TPR: variants seen among roughly 807,000 people sequenced by gnomAD.
TPR encodes the protein nucleoprotein TPR.
In TPR, 51 loss-of-function variants were observed where a neutral mutation model predicts 316.1. The observed-to-expected ratio is 0.16, with a 90% CI of 0.13 to 0.20. The LOEUF is 0.20. TPR is among the 10% of genes least tolerant of loss of function. The probability of loss-of-function intolerance (pLI) is 1.00; values close to 1 mark genes in which losing one functional copy is unlikely to be tolerated. For synonymous variants in TPR, 981 were observed against 914.7 expected, an observed-to-expected ratio of 1.07 and a Z score of -1.31; for missense variants, 2,272 against 2,754.8, an observed-to-expected ratio of 0.82 and a Z score of 3.92.
chr1:186,336,707 A>G lies in TPR; in HGVS notation c.4507-13T>C. ...TTTCAGATAATGTCTTTAAAGGAAA[A>G]CAAAGTATTCACCATGGAATTCAAT... On this transcript the variant is annotated splice_polypyrimidine_tract_variant and intron_variant, in intron 32 of 50. Transcript: ENST00000367478. The G allele has an allele frequency of 1.2e-6, 2 of 1,608,914 alleles. No homozygotes were observed. The highest frequency in any genetic ancestry group is 1.7e-6 in the Non-Finnish European group (2 of 1,177,360).
chr1:186,313,913 C>T lies in TPR; in HGVS notation c.*58G>A. On this transcript the variant is annotated 3_prime_UTR_variant, in exon 51 of 51. Coordinates refer to ENST00000367478, the MANE Select transcript of TPR (RefSeq NM_003292.3). ...TAAAAATGTTTTTAAACTTGACAAT[C>T]ATTACACTAAAACAGATTTGATAAT... The T allele has an allele frequency of 6.4e-7, 1 of 1,570,490 alleles. No homozygotes were observed. The highest frequency in any genetic ancestry group is 8.8e-7 in the Non-Finnish European group (1 of 1,142,420).
chr1:186,374,664 C>A lies in TPR; in HGVS notation c.151+214G>T, dbSNP rs1056266906. Among the ~76,000 whole-genome samples the A allele has an allele frequency of 7.2e-5, 11 of 152,270 alleles. No individual in the cohort carries two copies. The South Asian group carries it at 1.5e-3, about 20-fold the overall frequency. On this transcript the variant is annotated intron_variant, in intron 1 of 50. Transcript: ENST00000367478. ...TCCCTGTATGAGCCTACCCTAACTA[C>A]AAAGAAAATGCTACTGAACTTAGAT...
Position 186,347,405 on chromosome 1 carries a change from T to C in TPR, c.2830A>G (p.Thr944Ala). Residue 944 changes from threonine to alanine, a missense_variant, in exon 22 of 51, where the codon ACA becomes GCA. Physicochemically the swap from Thr to Ala is moderately conservative, Grantham distance 58. This residue lies in a region of TPR where 757 missense variants were observed against 859.8 expected (regional missense o/e 0.88). Coordinates refer to ENST00000367478, the MANE Select transcript of TPR (RefSeq NM_003292.3). Reference sequence around the variant, plus strand: ...TTTAAGTCATTCACCTGCTCTTCTGTCTGTCTTAGCTGACTCACAAGATCA... The same window carrying C: ...TTTAAGTCATTCACCTGCTCTTCTGCCTGTCTTAGCTGACTCACAAGATCA... Reference protein sequence around the residue: ...VDDLVSQLRQTEEQVNDLKER... With the variant: ...VDDLVSQLRQAEEQVNDLKER... 1.9e-6 allele frequency: 3 copies of C among 1,614,044 alleles called. No individual in the cohort carries two copies. The highest frequency in any genetic ancestry group is 2.5e-6 in the Non-Finnish European group (3 of 1,179,988).
At chr1:186,322,486 GA>G in intron 44 of TPR, 31 bp downstream of exon 44, 19 of 1,613,196 alleles carry the variant, frequency 1.2e-5, no homozygotes, top group Non-Finnish European at 1.6e-5. Flanking sequence ...CTCAAGAAAT[GA>G]ATTACTTTTA....
chr1:186,345,463 A>G (rs1658646714), intron 24 of TPR, 117 bp downstream of exon 24: 2 of 799,042 alleles, frequency 2.5e-6, no homozygotes, highest in Non-Finnish European at 4.0e-6. Context: ...AAGTTCCACA[A>G]AAGTGGAAAT....
At position 186,344,595 on chromosome 1, in the gene TPR, C is replaced by T; in HGVS notation, c.3214-17G>A. 22 of 1,474,408 alleles carry T rather than the reference C, an allele frequency of 1.5e-5. No individual in the cohort carries two copies. Among genetic ancestry groups the T allele is most frequent in the Non-Finnish European group, 1.9e-5 (21 of 1,114,890 alleles). 91.3% of individuals were successfully genotyped at this position (1,474,408 alleles called of 1,614,324 possible). A position where few individuals can be genotyped will look rare whatever the true frequency, so the allele number is the denominator to read the frequency against. On this transcript the variant is annotated splice_polypyrimidine_tract_variant and intron_variant, in intron 24 of 50. Transcript: ENST00000367478. The stretch of plus-strand genomic sequence containing the variant: ...TATTTTAGCCTATAAGAAATTATTA[C>T]CCAATTGATACCAAAGATTAAAAAT...
chr1:186,365,285 G>A (rs1306913272), intron 4 of TPR, among the ~76,000 whole-genome samples: 1 of 151,918 alleles, frequency 6.6e-6, no homozygotes, highest in Non-Finnish European at 1.5e-5. Context: ...TAGTAGAGAT[G>A]GGGTTCTGCC....
At chr1:186,333,608 A>G (rs1247258198) in intron 36 of TPR, among the ~76,000 whole-genome samples, 1 of 152,180 alleles carries the variant, frequency 6.6e-6, no homozygotes, top group Admixed American at 6.6e-5. Context: ...TTAAATAAAT[A>G]TCTGTAACTG....
At chr1:186,327,216 TATA>T (rs1658004005) in intron 40 of TPR, among the ~76,000 whole-genome samples, 1 of 44,036 alleles carries the variant, frequency 2.3e-5, no homozygotes, top group African/African-American at 9.0e-5. Context: ...ATATAATATA[TATA>T]AATATATAAT....
rs373366072 is a variant in TPR, at chr1:186,360,354, C to T, written c.1110G>A (p.Leu370=). 3.1e-6 allele frequency: 5 copies of T among 1,613,024 alleles called. No homozygotes were observed. In the South Asian group the frequency reaches 3.3e-5, roughly 11 times the overall value. Reference sequence around the variant, plus strand: ...ACATGGCGGCAAGCTCTTCTTCAGACAATATGGCTCCTGTGCCAACAAATA... The same window carrying T: ...ACATGGCGGCAAGCTCTTCTTCAGATAATATGGCTCCTGTGCCAACAAATA... ...LSATKRKGAI[L]SEEELAAMSP... is the part of the protein sequence containing the mutation. The change falls in exon 11 of 51, where the codon TTG becomes TTA. Residue 370 remains leucine (L), a synonymous_variant. Transcript: ENST00000367478.
chr1:186,371,136 A>G, intron 2 of TPR, 93 bp from the exon 3 acceptor site: 1 of 978,702 alleles, frequency 1.0e-6, no homozygotes, highest in South Asian at 1.4e-5. Context: ...TATTTTAATA[A>G]ATGAAAAAAC....
intron 18 of TPR, among the ~76,000 whole-genome samples, chr1:186,353,179 T>C (rs565886443): frequency 6.6e-6 from 1 of 152,286 alleles, no homozygotes; most frequent in Non-Finnish European, 1.5e-5. Context: ...GAGACCATCC[T>C]GGCTAACACA....
intron 21 of TPR, among the ~76,000 whole-genome samples, 161 bp from the exon 22 acceptor site, chr1:186,347,619 T>C (rs193141618): frequency 2.5e-4 from 38 of 152,346 alleles, no homozygotes; most frequent in African/African-American, 9.1e-4. Flanking sequence ...AGGTACTTTG[T>C]TATGTTACTT....
chr1:186,314,600 C>A, intron 50 of TPR, 29 bp downstream of exon 50: 1 of 1,536,798 alleles, frequency 6.5e-7, no homozygotes, highest in South Asian at 1.2e-5. Context: ...CACATTCTAT[C>A]ATGTAATCCA....
At chr1:186,371,514 G>GA (rs1659525590) in intron 2 of TPR, among the ~76,000 whole-genome samples, 1 of 152,044 alleles carries the variant, frequency 6.6e-6, no homozygotes, top group African/African-American at 2.4e-5. Context: ...AGCCTTTAAA[G>GA]AAAAAACATT....
chr1:186,322,171 T>A, intron 45 of TPR, 147 bp downstream of exon 45: 1 of 704,262 alleles, frequency 1.4e-6, no homozygotes, highest in South Asian at 2.0e-5. Context: ...CAACAATACA[T>A]CCTCAACTGA....
At chr1:186,336,747 C>G (rs192043500) in intron 32 of TPR, 53 bp from the exon 33 acceptor site, 1 of 1,545,660 alleles carries the variant, frequency 6.5e-7, no homozygotes, top group East Asian at 2.3e-5. Context: ...TCAATATAAA[C>G]TGTATGTGGT....
At chr1:186,318,370 G>A in intron 48 of TPR, 77 bp downstream of exon 48, 8 of 1,434,972 alleles carry the variant, frequency 5.6e-6, no homozygotes, top group Non-Finnish European at 6.6e-6. Context: ...TTTGCAGATT[G>A]TTTCTTGGCT....
intron 20 of TPR, 26 bp downstream of exon 20, chr1:186,351,304 G>C (rs1469937316): frequency 6.3e-7 from 1 of 1,582,048 alleles, no homozygotes; most frequent in Admixed American, 1.8e-5. Context: ...ACACCCTACA[G>C]AAATTCAGAA....
Sources: gnomAD v4.1 joint callset for allele counts (sites outside exome capture counted in the v4.1 genomes callset) on GRCh38, gnomAD v4.1.1 for gene constraint, gnomAD v4.1.1 regional missense constraint, MANE v1.5 for transcripts, NCBI Gene and HGNC (gene_info 2026-07-23, HGNC 2026-07-21) for gene names.